Variants in SVEP1 observed in about 807,000 individuals in gnomAD.
SVEP1 encodes the protein sushi, von Willebrand factor type A, EGF and pentraxin domain containing 1, also known as sushi, von Willebrand factor type A, EGF and pentraxin domain-containing protein 1.
Under a neutral mutation model 367.3 loss-of-function variants are expected in SVEP1, and 164 were observed. That is an observed-to-expected ratio of 0.45 (90% CI 0.39 to 0.51). SVEP1 has a LOEUF of 0.51. SVEP1 is among the 20% of genes least tolerant of loss of function. The probability of loss-of-function intolerance (pLI) is 0.00; values close to 1 mark genes in which losing one functional copy is unlikely to be tolerated. For missense variants in SVEP1, 4,117 were observed against 4,425.3 expected (o/e 0.93, Z 1.98); for synonymous variants, 1,666 against 1,611.6 (o/e 1.03, Z -0.81).
At chr9:110,519,094 G>C (rs1829844051) in intron 3 of SVEP1, among the ~76,000 whole-genome samples, 1 of 152,092 alleles carries the variant, frequency 6.6e-6, no homozygotes, top group Admixed American at 6.6e-5. Context: ...CACATTTTTG[G>C]GGAGTTTGAG....
chr9:110,489,822 T>C, intron 8 of SVEP1, 43 bp from the exon 9 acceptor site: 1 of 1,577,626 alleles, frequency 6.3e-7, no homozygotes, highest in Non-Finnish European at 8.6e-7. Flanking sequence ...ATGTCAAAAG[T>C]GCGTTTATTC....
At chr9:110,388,085 T>G (rs1285481260) in intron 41 of SVEP1, among the ~76,000 whole-genome samples, 1 of 152,164 alleles carries the variant, frequency 6.6e-6, no homozygotes, top group Admixed American at 6.5e-5. Flanking sequence ...TTAAATAATT[T>G]GGTCAAGGTC....
chr9:110,428,329 G>A (rs183393303), intron 35 of SVEP1, among the ~76,000 whole-genome samples: 1 of 151,602 alleles, frequency 6.6e-6, no homozygotes, highest in African/African-American at 2.4e-5. Context: ...CACTCGATCT[G>A]TTCCACTTCA....
At chr9:110,478,784 G>A (rs1378233031) in intron 13 of SVEP1, among the ~76,000 whole-genome samples, 1 of 152,164 alleles carries the variant, frequency 6.6e-6, no homozygotes, top group Non-Finnish European at 1.5e-5. Context: ...TTGGCATACA[G>A]TAAGCAGCAC....
At chr9:110,508,500 G>A (rs572214703) in intron 5 of SVEP1, among the ~76,000 whole-genome samples, 40 of 152,180 alleles carry the variant, frequency 2.6e-4, no homozygotes, top group Admixed American at 2.3e-3. Flanking sequence ...GGTGGCTCAC[G>A]CCTGTAATCC....
intron 36 of SVEP1, 34 bp from the exon 37 acceptor site, chr9:110,411,769 G>T: frequency 2.1e-6 from 3 of 1,444,418 alleles, no homozygotes; most frequent in South Asian, 1.5e-5. Flanking sequence ...GAATAACTAA[G>T]CATAATATTT....
At chr9:110,554,037 G>T (rs1398101494) in intron 1 of SVEP1, among the ~76,000 whole-genome samples, 1 of 152,112 alleles carries the variant, frequency 6.6e-6, no homozygotes, top group Non-Finnish European at 1.5e-5. Context: ...TTATTAAACA[G>T]GATAAGCAAT....
In SVEP1 at chr9:110,431,948, G is replaced by T; in HGVS notation, c.5320C>A (p.Pro1774Thr). ...TTTTTCCCATCTCCTGTGTACGGTG[G>T]GACACATGAACATATGTAGGATCCA... ...VDGSYICSCV[P>T]PYTGDGKNCA... The change falls in exon 32 of 48, where the codon CCA becomes ACA. Residue 1774 changes from proline to threonine, a missense_variant. Physicochemically the swap from Pro to Thr is conservative, Grantham distance 38. Around this residue, in one of 4 missense-constraint regions of SVEP1, gnomAD observed 2,174 missense variants for 2,494.3 expected, o/e 0.87. Coordinates refer to ENST00000374469, the MANE Select transcript of SVEP1 (RefSeq NM_153366.4). 1 of 1,613,538 alleles carries T rather than the reference G, an allele frequency of 6.2e-7. No individual in the cohort carries two copies. The highest frequency in any genetic ancestry group is 8.5e-7 in the Non-Finnish European group (1 of 1,179,660).
chr9:110,575,841 G>A (rs1388934820), intron 1 of SVEP1, among the ~76,000 whole-genome samples: 1 of 151,756 alleles, frequency 6.6e-6, no homozygotes, highest in Non-Finnish European at 1.5e-5. Context: ...TATCTTAGTG[G>A]GTATTCAAAA....
intron 17 of SVEP1, among the ~76,000 whole-genome samples, chr9:110,467,262 G>T (rs1314065939): frequency 1.3e-5 from 2 of 152,202 alleles, no homozygotes; most frequent in African/African-American, 2.4e-5. Context: ...TTAGCAGCAA[G>T]AATATGTGCA....
intron 9 of SVEP1, among the ~76,000 whole-genome samples, chr9:110,486,999 C>T (rs1057246018): frequency 6.6e-6 from 1 of 151,942 alleles, no homozygotes; most frequent in African/African-American, 2.4e-5. Flanking sequence ...TCTTGTTGCC[C>T]AGGCTGGAGT....
intron 3 of SVEP1, among the ~76,000 whole-genome samples, chr9:110,519,959 T>C (rs773518850): frequency 1.3e-5 from 2 of 152,094 alleles, no homozygotes; most frequent in African/African-American, 4.8e-5. Context: ...ATAAATAGAA[T>C]AATACTAAAA....
At chr9:110,370,142 T>C in intron 46 of SVEP1, 126 bp from the exon 47 acceptor site, 1 of 789,138 alleles carries the variant, frequency 1.3e-6, no homozygotes, top group Non-Finnish European at 2.1e-6. Context: ...TCATATACCG[T>C]TAGCATTATC....
chr9:110,477,297 C>G (rs1026334887), intron 13 of SVEP1, among the ~76,000 whole-genome samples: 4 of 152,140 alleles, frequency 2.6e-5, no homozygotes, highest in Non-Finnish European at 5.9e-5. Context: ...GTTTACCCAT[C>G]TAAGATTCCA....
At chr9:110,559,225 G>A (rs1413901053) in intron 1 of SVEP1, among the ~76,000 whole-genome samples, 4 of 151,956 alleles carry the variant, frequency 2.6e-5, no homozygotes, top group Non-Finnish European at 4.4e-5. Context: ...ACCATAGAAA[G>A]TGTTATACTT....
intron 1 of SVEP1, among the ~76,000 whole-genome samples, chr9:110,574,241 T>A (rs1042486149): frequency 6.6e-6 from 1 of 152,272 alleles, no homozygotes; most frequent in African/African-American, 2.4e-5. Context: ...TTGCACAGTG[T>A]GCCTATGCAC....
chr9:110,371,081 C>T (rs1346327416), intron 46 of SVEP1, among the ~76,000 whole-genome samples: 4 of 152,180 alleles, frequency 2.6e-5, no homozygotes, highest in South Asian at 2.1e-4. Flanking sequence ...AAGTAAAATA[C>T]GTCTTTCCCC....
Position 110,548,974 on chromosome 9 carries a change from T to A in SVEP1, c.787+875A>T, listed in dbSNP as rs759993725. Among the ~76,000 whole-genome samples the A allele has an allele frequency of 1.1e-4, 17 of 152,010 alleles. 1 individual carries two copies. Among genetic ancestry groups the A allele is most frequent in the Middle Eastern group, 6.3e-3 (2 of 316 alleles). Reference sequence around the variant, plus strand: ...ACCATCTTTATTTATTTATTTTTTTTAAAAAGAAACTCCAGTAGAGCTAAC... The same window carrying A: ...ACCATCTTTATTTATTTATTTTTTTAAAAAAGAAACTCCAGTAGAGCTAAC... On this transcript the variant is annotated intron_variant, in intron 2 of 47. Transcript: ENST00000374469.
intron 46 of SVEP1, among the ~76,000 whole-genome samples, chr9:110,374,688 G>T (rs1209167832): frequency 6.6e-6 from 1 of 152,070 alleles, no homozygotes; most frequent in Non-Finnish European, 1.5e-5. Flanking sequence ...ACATGCTGGG[G>T]AGGTTGTGGA....
Sources: allele counts gnomAD v4.1 joint callset (sites outside exome capture counted in the v4.1 genomes callset), GRCh38; gene constraint gnomAD v4.1.1; regional missense constraint gnomAD v4.1.1; transcripts MANE v1.5; gene names NCBI Gene and HGNC (gene_info 2026-07-23, HGNC 2026-07-21).